The following ATP13A5 variants were observed in gnomAD, a reference collection of about 807,000 sequenced individuals.
The protein encoded by ATP13A5 is probable cation-transporting ATPase 13A5.
Under a neutral mutation model 150.2 loss-of-function variants are expected in ATP13A5, and 149 were observed. The observed-to-expected ratio is 0.99, with a 90% CI of 0.87 to 1.14. The LOEUF (loss-of-function observed/expected upper bound fraction) is 1.14. ATP13A5 is among the 50% of genes most tolerant of loss of function. ATP13A5 has a pLI of 0.00. For synonymous variants in ATP13A5, 497 were observed against 522.2 expected, an observed-to-expected ratio of 0.95 and a Z score of 0.66; for missense variants, 1,383 against 1,449.3, an observed-to-expected ratio of 0.95 and a Z score of 0.74.
At chr3:193,328,707 G>C (rs1470422899) in intron 12 of ATP13A5, among the ~76,000 whole-genome samples, 1 of 152,010 alleles carries the variant, frequency 6.6e-6, no homozygotes, top group Non-Finnish European at 1.5e-5. Flanking sequence ...GGGCTGAATT[G>C]AATAAAAAGA....
chr3:193,280,852 C>G (rs1297363599), intron 27 of ATP13A5, among the ~76,000 whole-genome samples: 2 of 152,188 alleles, frequency 1.3e-5, no homozygotes, highest in East Asian at 3.9e-4. Context: ...CTCTTACACT[C>G]TACCTCATTT....
At position 193,344,073 on chromosome 3, in the gene ATP13A5, T is replaced by G; in HGVS notation, c.815-18A>C. ...CTCCAAACCTACACCAAAGCAAAGT[T>G]TCCATGAATAGCTGACCTTTTCCTG... On this transcript the variant is annotated intron_variant, in intron 8 of 29. Coordinates refer to ENST00000342358, the MANE Select transcript of ATP13A5 (RefSeq NM_198505.4). The G allele has an allele frequency of 6.2e-7, 1 of 1,609,276 alleles. No homozygotes were observed. The highest frequency in any genetic ancestry group is 1.1e-5 in the South Asian group (1 of 90,400).
chr3:193,323,526 A>G (rs1158275544), intron 14 of ATP13A5: 1 of 152,244 alleles, frequency 6.6e-6, no homozygotes, highest in Non-Finnish European at 1.5e-5. Context: ...AAGACAGATC[A>G]GCCCTCCTAT....
intron 27 of ATP13A5, 145 bp downstream of exon 27, chr3:193,284,769 C>T (rs530542264): frequency 1.9e-4 from 127 of 678,372 alleles, no homozygotes; most frequent in South Asian, 6.1e-4. Flanking sequence ...GCTCTACCAA[C>T]GATGACCACT....
chr3:193,369,055 G>A (rs751679924), intron 1 of ATP13A5, among the ~76,000 whole-genome samples: 16 of 152,174 alleles, frequency 1.1e-4, no homozygotes, highest in Non-Finnish European at 2.1e-4. Context: ...ACCAGCCTGA[G>A]CAACATAGAA....
intron 29 of ATP13A5, among the ~76,000 whole-genome samples, chr3:193,276,230 T>C (rs1348588351): frequency 6.6e-6 from 1 of 152,198 alleles, no homozygotes; most frequent in Admixed American, 6.5e-5. Context: ...AACTCTCCTT[T>C]TACAAAGATA....
chr3:193,359,108 A>C (rs1712902812), intron 5 of ATP13A5, among the ~76,000 whole-genome samples: 1 of 152,112 alleles, frequency 6.6e-6, no homozygotes, highest in African/African-American at 2.4e-5. Flanking sequence ...TACATTTTTA[A>C]GTAACTTGTT....
At chr3:193,363,083 G>A (rs1300033461) in intron 3 of ATP13A5, among the ~76,000 whole-genome samples, 153 bp downstream of exon 3, 2 of 152,152 alleles carry the variant, frequency 1.3e-5, no homozygotes, top group Non-Finnish European at 2.9e-5. Context: ...GATTACAGAC[G>A]TGAACGACCA....
chr3:193,275,324 C>A (rs1717141855), intron 29 of ATP13A5, 22 bp from the exon 30 acceptor site: 3 of 1,609,208 alleles, frequency 1.9e-6, no homozygotes, highest in South Asian at 1.1e-5. Flanking sequence ...GATGGGAAAA[C>A]AATCAATTTA....
chr3:193,308,419 G>A (rs992487669), intron 21 of ATP13A5, among the ~76,000 whole-genome samples: 11 of 152,160 alleles, frequency 7.2e-5, no homozygotes, highest in African/African-American at 2.2e-4. Flanking sequence ...ATATTGCACC[G>A]CTGCACTCCA....
rs114879503 is a variant in ATP13A5 at position 193,367,786 on chromosome 3, A to C, written c.64-3506T>G. 4.6e-3 allele frequency among the ~76,000 whole-genome samples: 701 copies of C among 152,290 alleles called. 9 individuals carry two copies. Among genetic ancestry groups the C allele is most frequent in the African/African-American group, 0.016 (652 of 41,578 alleles). On this transcript the variant is annotated intron_variant, in intron 1 of 29. Transcript: ENST00000342358. Reference sequence around the variant, plus strand: ...ACAATTCTACACCAATACATGATTTAAAAAATTCTCAACAAGTTAAAAATA... The same window carrying C: ...ACAATTCTACACCAATACATGATTTCAAAAATTCTCAACAAGTTAAAAATA...
intron 28 of ATP13A5, among the ~76,000 whole-genome samples, chr3:193,277,466 T>C (rs935623220): frequency 6.6e-6 from 1 of 152,206 alleles, no homozygotes; most frequent in African/African-American, 2.4e-5. Flanking sequence ...GCCTTTTTTC[T>C]GAGACCCCAC....
At chr3:193,292,014 G>C (rs545949182) in intron 25 of ATP13A5, among the ~76,000 whole-genome samples, 1 of 152,226 alleles carries the variant, frequency 6.6e-6, no homozygotes, top group South Asian at 2.1e-4. Context: ...CTAATCAGAA[G>C]TTCAGGTGGT....
At chr3:193,344,255 G>T (rs748616248) in intron 8 of ATP13A5, among the ~76,000 whole-genome samples, 200 bp from the exon 9 acceptor site, 4 of 152,186 alleles carry the variant, frequency 2.6e-5, no homozygotes, top group Non-Finnish European at 5.9e-5. Context: ...AAAAGGATTA[G>T]CTAAGCAACA....
chr3:193,295,819 ATAAAACTT>A (rs1326398793), intron 25 of ATP13A5, among the ~76,000 whole-genome samples: 2 of 152,160 alleles, frequency 1.3e-5, no homozygotes, highest in East Asian at 3.9e-4. Context: ...TCTGTACAAG[ATAAAACTT>A]ATGGAGATTA....
At chr3:193,295,915 G>A (rs986007062) in intron 25 of ATP13A5, among the ~76,000 whole-genome samples, 5 of 152,142 alleles carry the variant, frequency 3.3e-5, no homozygotes, top group South Asian at 2.1e-4. Flanking sequence ...ACCCCATGAG[G>A]GGAAGTCATA....
chr3:193,275,035 A>G lies in ATP13A5; in HGVS notation c.*7T>C, dbSNP rs755440026. 8.7e-6 allele frequency: 14 copies of G among 1,613,890 alleles called. No homozygotes were observed. In the East Asian group the frequency reaches 2.0e-4, roughly 23 times the overall value. The stretch of plus-strand genomic sequence containing the variant: ...ATGCTGTTGAGCATGTACGACGACA[A>G]TTCTGATTACAGCCTGGCCCAGAAA... On this transcript the variant is annotated 3_prime_UTR_variant, in exon 30 of 30. Transcript: ENST00000342358.
chr3:193,321,831 C>T lies in ATP13A5; in HGVS notation c.1765G>A (p.Val589Met), dbSNP rs759636595. Residue 589 changes from valine (V) to methionine (M), a missense_variant, in exon 16 of 30, where the codon GTG (valine) becomes ATG (methionine). Coordinates refer to ENST00000342358, the MANE Select transcript of ATP13A5 (RefSeq NM_198505.4). ...TGGCACAAGGTGATGATGGCTTCCA[C>T]TGGACTCTGCAAGCCCATCAACAAC... ...KPGPKASKSP[V>M]EAIITLCQFP... 1 of 1,614,036 alleles carries T rather than the reference C, an allele frequency of 6.2e-7. No homozygotes were observed. The highest frequency in any genetic ancestry group is 8.5e-7 in the Non-Finnish European group (1 of 1,179,966).
chr3:193,341,164 T>A (rs913306780), intron 9 of ATP13A5, among the ~76,000 whole-genome samples: 1 of 121,452 alleles, frequency 8.2e-6, no homozygotes, highest in African/African-American at 3.2e-5. Flanking sequence ...ATTAACATAT[T>A]CCCCCCCCCT....
Sources: gnomAD v4.1 joint callset for allele counts (sites outside exome capture counted in the v4.1 genomes callset) on GRCh38, gnomAD v4.1.1 for gene constraint, MANE v1.5 for transcripts, NCBI Gene and HGNC (gene_info 2026-07-23, HGNC 2026-07-21) for gene names.